Variants in ADARB2 observed in about 807,000 individuals in gnomAD.
ADARB2 encodes the protein inactive double-stranded RNA-specific editase B2.
ADARB2 carries 25 observed loss-of-function variants against 62.2 expected under a neutral mutation model. The ratio of observed to expected loss-of-function variants is 0.40; its 90% CI spans 0.29 to 0.56. The LOEUF (loss-of-function observed/expected upper bound fraction) is 0.56. ADARB2 is among the 20% of genes least tolerant of loss of function. The probability of loss-of-function intolerance (pLI) is 0.43; values close to 1 mark genes in which losing one functional copy is unlikely to be tolerated. For synonymous variants in ADARB2, 572 were observed against 500.8 expected (o/e 1.14, Z -1.90); for missense variants, 1,071 against 1,077.4 (o/e 0.99, Z 0.08).
chr10:1,256,192 T>C (rs999913759), intron 4 of ADARB2, among the ~76,000 whole-genome samples: 118 of 152,254 alleles, frequency 7.8e-4, no homozygotes, highest in African/African-American at 2.7e-3. Flanking sequence ...AACATCCAGC[T>C]CCAAGCTGTC....
chr10:1,578,208 C>T (rs7921042), intron 1 of ADARB2, among the ~76,000 whole-genome samples: 4,678 of 152,242 alleles, frequency 0.031, 228 homozygotes, highest in African/African-American at 0.11. Flanking sequence ...CGCAGCGGAA[C>T]AGATGGCACG....
At chr10:1,276,507 G>C (rs1831318406) in intron 3 of ADARB2, among the ~76,000 whole-genome samples, 1 of 152,074 alleles carries the variant, frequency 6.6e-6, no homozygotes, top group African/African-American at 2.4e-5. Flanking sequence ...AAGCTCTTTA[G>C]TTTAATTAGA....
chr10:1,643,749 TC>T (rs930812487), intron 1 of ADARB2, among the ~76,000 whole-genome samples: 2 of 152,144 alleles, frequency 1.3e-5, no homozygotes, highest in Non-Finnish European at 2.9e-5. Context: ...CAAGTTTTTT[TC>T]TTTTTTTTCT....
At chr10:1,650,521 C>T (rs918430079) in intron 1 of ADARB2, among the ~76,000 whole-genome samples, 14 of 152,174 alleles carry the variant, frequency 9.2e-5, no homozygotes, top group Admixed American at 3.9e-4. Context: ...CGCACCTCCG[C>T]CAGTCTTGGC....
intron 7 of ADARB2, among the ~76,000 whole-genome samples, chr10:1,210,996 TCTCC>T (rs1837143048): frequency 1.3e-5 from 2 of 151,898 alleles, no homozygotes; most frequent in Admixed American, 6.5e-5. Flanking sequence ...CTCTGGGCAC[TCTCC>T]CTGCCAGCCC....
At chr10:1,229,221 C>T (rs1159552206) in intron 6 of ADARB2, among the ~76,000 whole-genome samples, 1 of 152,134 alleles carries the variant, frequency 6.6e-6, no homozygotes, top group Non-Finnish European at 1.5e-5. Context: ...TAAAATAGGG[C>T]CATCTAGAAT....
At chr10:1,259,976 G>C (rs1352581255) in intron 4 of ADARB2, among the ~76,000 whole-genome samples, 1 of 152,110 alleles carries the variant, frequency 6.6e-6, no homozygotes, top group African/African-American at 2.4e-5. Context: ...TTCATCCCTG[G>C]GATGCAAGGC....
Position 1,704,977 on chromosome 10 carries a change from G to A in ADARB2, c.100+32074C>T, listed in dbSNP as rs1015386124. ...CAGAGGCAATAACCCCATGAGCACA[G>A]ACCCACAGGCAAAGCCCTGGGAGAA... On this transcript the variant is annotated intron_variant, in intron 1 of 9. Transcript: ENST00000381312. This position sits in a 1 kb window ranked among gnomAD's most constrained non-coding sequence, Gnocchi z 5.6. 6.6e-6 allele frequency among the ~76,000 whole-genome samples: 1 copy of A among 152,128 alleles called. No individual in the cohort carries two copies. Among genetic ancestry groups the A allele is most frequent in the African/African-American group, 2.4e-5 (1 of 41,424 alleles).
intron 2 of ADARB2, among the ~76,000 whole-genome samples, chr10:1,372,170 T>C (rs1832378286): frequency 6.6e-6 from 1 of 152,200 alleles, no homozygotes; most frequent in African/African-American, 2.4e-5. Flanking sequence ...GCAACATGAA[T>C]GGAGCTGGAG....
At chr10:1,688,765 T>C (rs1834630360) in intron 1 of ADARB2, among the ~76,000 whole-genome samples, 2 of 152,226 alleles carry the variant, frequency 1.3e-5, no homozygotes, top group Non-Finnish European at 2.9e-5. Context: ...ACGTTAGCGC[T>C]GACTCAACCC....
At chr10:1,347,034 T>C (rs1832087320) in intron 3 of ADARB2, among the ~76,000 whole-genome samples, 2 of 152,250 alleles carry the variant, frequency 1.3e-5, no homozygotes. Context: ...TTTCTCAGGA[T>C]GTGAGAACTG....
chr10:1,556,003 A>G (rs1832695107), intron 1 of ADARB2, among the ~76,000 whole-genome samples: 1 of 152,238 alleles, frequency 6.6e-6, no homozygotes, highest in Non-Finnish European at 1.5e-5. Context: ...ATGGGGAAAC[A>G]TTTGAACATA....
intron 3 of ADARB2, among the ~76,000 whole-genome samples, chr10:1,337,092 GTT>G (rs35278879): frequency 6.6e-6 from 1 of 150,964 alleles, no homozygotes; most frequent in African/African-American, 2.5e-5. Flanking sequence ...GTGTGTGTGT[GTT>G]TTAGATATAA....
Position 1,608,860 on chromosome 10 carries a change from G to T in ADARB2, c.100+128191C>A, listed in dbSNP as rs185845397. On this transcript the variant is annotated intron_variant, in intron 1 of 9. Transcript: ENST00000381312. ...AGTCTGGGAGGGAGGGGAGATGGGGGTAGGGACAGCATTTCCCTCCGCATT... is the reference window on the plus strand; with the variant it reads ...AGTCTGGGAGGGAGGGGAGATGGGGTTAGGGACAGCATTTCCCTCCGCATT... Among the ~76,000 whole-genome samples the T allele has an allele frequency of 4.8e-3, 723 of 151,988 alleles. 3 individuals are homozygous for T. The highest frequency in any genetic ancestry group is 0.017 in the Middle Eastern group (5 of 294).
intron 7 of ADARB2, among the ~76,000 whole-genome samples, chr10:1,203,816 C>G (rs377262486): frequency 3.3e-5 from 5 of 152,202 alleles, no homozygotes; most frequent in African/African-American, 9.6e-5. Flanking sequence ...CGACTGTCTT[C>G]TCAGTGGACC....
intron 3 of ADARB2, among the ~76,000 whole-genome samples, chr10:1,314,504 G>A (rs933518268): frequency 1.3e-5 from 2 of 151,882 alleles, no homozygotes; most frequent in Admixed American, 6.6e-5. Flanking sequence ...GCCCTTCCAC[G>A]GCCAGTGCCC....
At chr10:1,199,381 G>GC (rs1300792276) in intron 8 of ADARB2, 3 of 152,404 alleles carry the variant, frequency 2.0e-5, no homozygotes, top group Non-Finnish European at 4.4e-5. Context: ...GCCCGGGCAG[G>GC]CCCCAGGTAA....
intron 1 of ADARB2, among the ~76,000 whole-genome samples, chr10:1,691,308 C>T (rs1834669417): frequency 6.6e-6 from 1 of 152,170 alleles, no homozygotes; most frequent in South Asian, 2.1e-4. Context: ...TGACCTTGGA[C>T]TTCCAGCCTC....
At chr10:1,396,118 G>GAGC (rs1249191499) in intron 1 of ADARB2, among the ~76,000 whole-genome samples, 1 of 152,192 alleles carries the variant, frequency 6.6e-6, no homozygotes, top group Non-Finnish European at 1.5e-5. Flanking sequence ...TTTGTTTAGA[G>GAGC]AGCAGGTCAA....
Sources: allele counts gnomAD v4.1 joint callset (sites outside exome capture counted in the v4.1 genomes callset), GRCh38; gene constraint gnomAD v4.1.1; non-coding constraint Gnocchi (gnomAD v3.1); transcripts MANE v1.5; gene names NCBI Gene and HGNC (gene_info 2026-07-23, HGNC 2026-07-21).